PAQR8: variants seen among roughly 807,000 people sequenced by gnomAD.
PAQR8 encodes the protein membrane progestin receptor beta.
In PAQR8, 17 loss-of-function variants were observed where a neutral mutation model predicts 25.2. That is an observed-to-expected ratio of 0.67 (90% confidence interval 0.46 to 1.01). The LOEUF (loss-of-function observed/expected upper bound fraction) is 1.01. Ranked by LOEUF, PAQR8 falls within the 50% of genes least tolerant of loss-of-function variation. PAQR8 has a pLI of 0.00. For synonymous variants in PAQR8, 204 were observed against 190.6 expected (o/e 1.07, Z -0.58); for missense variants, 392 against 448.4 (o/e 0.87, Z 1.14).
chr6:52,394,050 G>A lies in PAQR8; in HGVS notation c.-52-9112G>A, dbSNP rs149122885. On this transcript the variant is annotated intron_variant, in intron 1 of 1. Transcript: ENST00000442253. Reference sequence around the variant, plus strand: ...ACAGTTAAAGAGACGCACAGGTAGGGGACCAGGAAGGCCTCCTGTATCCTA... The same window carrying A: ...ACAGTTAAAGAGACGCACAGGTAGGAGACCAGGAAGGCCTCCTGTATCCTA... Among the ~76,000 whole-genome samples, 631 of 152,274 alleles carry A rather than the reference G, an allele frequency of 4.1e-3. 3 individuals carry two copies. The highest frequency in any genetic ancestry group is 5.3e-3 in the Non-Finnish European group (363 of 68,006).
At chr6:52,373,794 G>A (rs551610875) in intron 1 of PAQR8, among the ~76,000 whole-genome samples, 1 of 151,478 alleles carries the variant, frequency 6.6e-6, no homozygotes, top group South Asian at 2.1e-4. Flanking sequence ...ATTAAGAACA[G>A]AGCAGACAGC....
intron 1 of PAQR8, among the ~76,000 whole-genome samples, chr6:52,387,813 G>T (rs905419990): frequency 6.6e-6 from 1 of 152,206 alleles, no homozygotes; most frequent in Non-Finnish European, 1.5e-5. Flanking sequence ...ATTTACAGCC[G>T]CTCTGCTTTG....
intron 1 of PAQR8, among the ~76,000 whole-genome samples, chr6:52,380,211 G>A (rs1763543082): frequency 6.6e-6 from 1 of 152,216 alleles, no homozygotes; most frequent in Admixed American, 6.5e-5. Flanking sequence ...TAGGGTGGTT[G>A]GGAAGCCTCC....
chr6:52,403,070 CAAAAG>C (rs1250579487), intron 1 of PAQR8, 87 bp from the exon 2 acceptor site: 10 of 725,620 alleles, frequency 1.4e-5, no homozygotes, highest in Non-Finnish European at 2.2e-5. Flanking sequence ...TACCCCGTCT[CAAAAG>C]AAAAGAAAAT....
At chr6:52,374,408 TTTCGTTTC>T (rs1267408242) in intron 1 of PAQR8, among the ~76,000 whole-genome samples, 1 of 152,142 alleles carries the variant, frequency 6.6e-6, no homozygotes, top group Non-Finnish European at 1.5e-5. Flanking sequence ...TTTCGTTTTG[TTTCGTTTC>T]TTTCATTTCT....
At chr6:52,374,744 G>A (rs1315219338) in intron 1 of PAQR8, among the ~76,000 whole-genome samples, 1 of 151,864 alleles carries the variant, frequency 6.6e-6, no homozygotes, top group African/African-American at 2.4e-5. Flanking sequence ...CCCCTTACCT[G>A]TCCTGTCCCA....
At chr6:52,386,459 C>T (rs1763634028) in intron 1 of PAQR8, among the ~76,000 whole-genome samples, 1 of 152,170 alleles carries the variant, frequency 6.6e-6, no homozygotes, top group Non-Finnish European at 1.5e-5. Context: ...CCTCAGTGCC[C>T]ATCAACAGTG....
At chr6:52,365,776 G>A (rs543550383) in intron 1 of PAQR8, among the ~76,000 whole-genome samples, 8 of 152,158 alleles carry the variant, frequency 5.3e-5, no homozygotes, top group East Asian at 1.9e-4. Context: ...ATTCAGAAAC[G>A]AGGAAATACA....
At chr6:52,370,272 G>T (rs1023422322) in intron 1 of PAQR8, among the ~76,000 whole-genome samples, 2 of 152,076 alleles carry the variant, frequency 1.3e-5, no homozygotes, top group Non-Finnish European at 2.9e-5. Flanking sequence ...GAGGGAGAGG[G>T]AGAAAAAGGC....
In PAQR8 at chr6:52,406,396, AAGAG is replaced by A. The variant is rs141632223; in HGVS notation, c.*2122_*2125del. ...TAGTTCAAATCCACGTATTTTTTAA[AAGAG>A]AGAACCGGAGGTAGAGCAATGATCA... On this transcript the variant is annotated 3_prime_UTR_variant, in exon 2 of 2. Coordinates refer to ENST00000442253, the MANE Select transcript of PAQR8 (RefSeq NM_133367.5). 127 of 412,968 alleles carry A rather than the reference AAGAG, an allele frequency of 3.1e-4. 1 individual carries two copies. Among genetic ancestry groups the A allele is most frequent in the African/African-American group, 2.4e-3 (119 of 48,724 alleles). The allele number at this position is 412,968 out of a possible 1,614,324, so 25.6% of individuals were successfully genotyped here. A position where few individuals can be genotyped will look rare whatever the true frequency, so the allele number is the denominator to read the frequency against.
chr6:52,379,924 G>C (rs1282395635), intron 1 of PAQR8, among the ~76,000 whole-genome samples: 1 of 152,000 alleles, frequency 6.6e-6, no homozygotes, highest in Non-Finnish European at 1.5e-5. Flanking sequence ...ACCGCACCTG[G>C]CCGCTATTTT....
chr6:52,406,650 C>T lies in PAQR8; in HGVS notation c.*2372C>T, dbSNP rs1763913847. 2.5e-6 allele frequency: 1 copy of T among 407,090 alleles called. No individual in the cohort carries two copies. The highest frequency in any genetic ancestry group is 1.3e-4 in the South Asian group (1 of 7,812). 25.2% of individuals were successfully genotyped at this position (407,090 alleles called of 1,614,324 possible). A position where few individuals can be genotyped will look rare whatever the true frequency, so the allele number is the denominator to read the frequency against. ...CAATCACGGCTCACTGCAGCCTCGA[C>T]CTCCCCAGCTCAAGCAATCCTCCCA... is the stretch of plus-strand genomic sequence containing the variant. On this transcript the variant is annotated 3_prime_UTR_variant, in exon 2 of 2. Coordinates refer to ENST00000442253, the MANE Select transcript of PAQR8 (RefSeq NM_133367.5).
chr6:52,373,215 C>G (rs964415433), intron 1 of PAQR8, among the ~76,000 whole-genome samples: 1 of 152,104 alleles, frequency 6.6e-6, no homozygotes, highest in African/African-American at 2.4e-5. Flanking sequence ...TGTGAAAGGC[C>G]CGTCTGAAAG....
intron 1 of PAQR8, among the ~76,000 whole-genome samples, chr6:52,397,979 G>A (rs192759997): frequency 3.9e-5 from 6 of 152,056 alleles, no homozygotes; most frequent in African/African-American, 1.4e-4. Context: ...GTGAAAGTGA[G>A]GCCTAAGAGG....
At chr6:52,383,110 G>C (rs1763582573) in intron 1 of PAQR8, among the ~76,000 whole-genome samples, 1 of 152,204 alleles carries the variant, frequency 6.6e-6, no homozygotes. Context: ...AGGACAAACA[G>C]ATAGATACAC....
intron 1 of PAQR8, among the ~76,000 whole-genome samples, chr6:52,366,619 A>G (rs901658427): frequency 1.3e-5 from 2 of 152,174 alleles, no homozygotes; most frequent in South Asian, 4.1e-4. Context: ...TATCTGCAGG[A>G]TGGGGTGGTA....
At chr6:52,373,625 G>C in intron 1 of PAQR8, 1 of 152,278 alleles carries the variant, frequency 6.6e-6, no homozygotes, top group Admixed American at 6.5e-5. Context: ...TGCCAACACT[G>C]AGTAGGTACT....
At chr6:52,395,271 T>TAAA (rs1763754284) in intron 1 of PAQR8, among the ~76,000 whole-genome samples, 2 of 46,314 alleles carry the variant, frequency 4.3e-5, no homozygotes, top group Non-Finnish European at 8.6e-5. Flanking sequence ...AGACTTCGTC[T>TAAA]CAAAAAAAAA....
At chr6:52,389,634 T>C (rs1287974414) in intron 1 of PAQR8, among the ~76,000 whole-genome samples, 3 of 152,210 alleles carry the variant, frequency 2.0e-5, no homozygotes, top group African/African-American at 4.8e-5. Flanking sequence ...CTTGACTCTT[T>C]ATAGCAAATA....
Sources: gnomAD v4.1 joint callset for allele counts (sites outside exome capture counted in the v4.1 genomes callset) on GRCh38, gnomAD v4.1.1 for gene constraint, MANE v1.5 for transcripts, NCBI Gene and HGNC (gene_info 2026-07-23, HGNC 2026-07-21) for gene names.